Variants in HDX observed in about 807,000 individuals in gnomAD.
HDX encodes highly divergent homeobox.
Under a neutral mutation model 45.2 loss-of-function variants are expected in HDX, and 19 were observed. That is an observed-to-expected ratio of 0.42 (90% CI 0.29 to 0.62). The LOEUF is 0.62. Ranked by LOEUF, HDX falls within the 20% of genes least tolerant of loss-of-function variation. The pLI is 0.20. For synonymous variants in HDX, 188 were observed against 172.8 expected, an observed-to-expected ratio of 1.09 and a Z score of -0.69; for missense variants, 532 against 493.9, an observed-to-expected ratio of 1.08 and a Z score of -0.73.
rs1428788054 is a variant in HDX at position 84,319,253 on chromosome X, A to C, written c.*2636T>G. The stretch of plus-strand genomic sequence containing the variant: ...TCAAAGCCCTAAAGAAAGAAACACT[A>C]GTTAGTTAATTTTTATCCCCAGCCA... On this transcript the variant is annotated 3_prime_UTR_variant, in exon 11 of 11. Coordinates refer to ENST00000373177, the MANE Select transcript of HDX (RefSeq NM_001177479.2). The C allele has an allele frequency of 9.0e-6, 1 of 111,158 alleles. No homozygotes were observed. 9.2% of individuals were successfully genotyped at this position (111,158 alleles called of 1,213,427 possible). A position where few individuals can be genotyped will look rare whatever the true frequency, so the allele number is the denominator to read the frequency against.
intron 6 of HDX, among the ~76,000 whole-genome samples, chrX:84,344,946 G>T (rs1046472054): frequency 1.8e-5 from 2 of 110,919 alleles, no homozygotes; most frequent in Admixed American, 1.9e-4. Context: ...AAATAAACTG[G>T]TTCTTTTTCA....
intron 4 of HDX, among the ~76,000 whole-genome samples, chrX:84,446,704 A>G (rs886476517): frequency 2.0e-4 from 22 of 112,254 alleles, no homozygotes; most frequent in African/African-American, 7.1e-4. Context: ...ACTAGTTGAA[A>G]CAACTTTATA....
chrX:84,375,256 A>G lies in HDX; in HGVS notation c.1306-13644T>C, dbSNP rs749818199. 3.1e-3 allele frequency among the ~76,000 whole-genome samples: 340 copies of G among 111,018 alleles called. 1 individual carries two copies. The highest frequency in any genetic ancestry group is 0.011 in the African/African-American group (333 of 30,245). On this transcript the variant is annotated intron_variant, in intron 5 of 10. Coordinates refer to ENST00000373177, the MANE Select transcript of HDX (RefSeq NM_001177479.2). ...AAAGTCAGGAAACAACAGGTGCTGT[A>G]GAGGATGTGGAGAAATAGGGACACT... is the stretch of plus-strand genomic sequence containing the variant.
intron 5 of HDX, among the ~76,000 whole-genome samples, chrX:84,386,908 T>A (rs2038333503): frequency 9.0e-6 from 1 of 111,534 alleles, no homozygotes; most frequent in African/African-American, 3.3e-5. Context: ...GTTTCTTTTT[T>A]TTCCCTAGTT....
intron 4 of HDX, among the ~76,000 whole-genome samples, chrX:84,459,401 C>T (rs1366694096): frequency 9.2e-6 from 1 of 108,540 alleles, no homozygotes; most frequent in Non-Finnish European, 1.9e-5. Context: ...GAGATCATGT[C>T]GCTGCACTGC....
rs765681351 is a variant in HDX at position 84,465,939 on chromosome X, C to T, written c.1251+2533G>A. Among the ~76,000 whole-genome samples the T allele has an allele frequency of 7.8e-4, 87 of 111,681 alleles. 2 individuals carry two copies. Among genetic ancestry groups the T allele is most frequent in the African/African-American group, 2.7e-3 (83 of 30,752 alleles). On this transcript the variant is annotated intron_variant, in intron 4 of 10. Coordinates refer to ENST00000373177, the MANE Select transcript of HDX (RefSeq NM_001177479.2). Reference sequence around the variant, plus strand: ...ACTCCATGGATTCCACTTCCCCAGGCTGCCTTGATTTTCCAAATATGAACT... The same window carrying T: ...ACTCCATGGATTCCACTTCCCCAGGTTGCCTTGATTTTCCAAATATGAACT...
chrX:84,442,170 C>T (rs897154237), intron 4 of HDX, among the ~76,000 whole-genome samples: 2 of 111,466 alleles, frequency 1.8e-5, no homozygotes, highest in African/African-American at 6.5e-5. Flanking sequence ...TCCTGAGAGA[C>T]TGACAAGGCA....
chrX:84,416,455 C>A (rs1231078809), intron 5 of HDX, among the ~76,000 whole-genome samples: 1 of 111,408 alleles, frequency 9.0e-6, no homozygotes, highest in African/African-American at 3.3e-5. Flanking sequence ...TCTAGAAGAA[C>A]CTTGAAAGTG....
intron 9 of HDX, among the ~76,000 whole-genome samples, chrX:84,327,830 AT>A (rs1011869407): frequency 9.0e-6 from 1 of 110,926 alleles, no homozygotes; most frequent in Admixed American, 9.6e-5. Context: ...TTATTTATTT[AT>A]TTTTTATTTA....
At chrX:84,385,519 C>T (rs2038298258) in intron 5 of HDX, among the ~76,000 whole-genome samples, 1 of 110,769 alleles carries the variant, frequency 9.0e-6, no homozygotes, top group Non-Finnish European at 1.9e-5. Context: ...GGCCTCATCT[C>T]TGATTTCTTG....
intron 5 of HDX, among the ~76,000 whole-genome samples, chrX:84,374,308 A>G (rs5968306): frequency 9.4e-6 from 1 of 106,903 alleles, no homozygotes; most frequent in Admixed American, 1.0e-4. Context: ...TAGGAAGAAT[A>G]AATATCGTGA....
chrX:84,436,428 T>C (rs2039637396), intron 5 of HDX, among the ~76,000 whole-genome samples: 1 of 111,764 alleles, frequency 8.9e-6, no homozygotes, highest in Non-Finnish European at 1.9e-5. Flanking sequence ...CTTGATTATT[T>C]GATTTTTTTT....
chrX:84,476,577 AAAGGAAGG>A (rs1199786343), intron 2 of HDX, among the ~76,000 whole-genome samples: 8 of 107,327 alleles, frequency 7.5e-5, no homozygotes, highest in Non-Finnish European at 5.8e-5. Context: ...GAAAGAAAAG[AAAGGAAGG>A]AAGGAAGGAA....
chrX:84,448,251 C>T (rs2039916860), intron 4 of HDX, among the ~76,000 whole-genome samples: 1 of 111,739 alleles, frequency 8.9e-6, no homozygotes, highest in Non-Finnish European at 1.9e-5. Context: ...GCCATGGCTG[C>T]TGTCATCACT....
intron 6 of HDX, among the ~76,000 whole-genome samples, chrX:84,345,004 A>G (rs1321455705): frequency 9.0e-6 from 1 of 110,807 alleles, no homozygotes; most frequent in Non-Finnish European, 1.9e-5. Context: ...CCTATTTCCA[A>G]TCTTGCTCTT....
intron 7 of HDX, among the ~76,000 whole-genome samples, chrX:84,342,056 A>G (rs1355381906): frequency 9.0e-6 from 1 of 110,984 alleles, no homozygotes; most frequent in Non-Finnish European, 1.9e-5. Flanking sequence ...ACTTAACTAA[A>G]TCTTCAATCT....
At chrX:84,489,088 A>G (rs2040847812) in intron 1 of HDX, among the ~76,000 whole-genome samples, 3 of 111,425 alleles carry the variant, frequency 2.7e-5, no homozygotes, top group Non-Finnish European at 5.7e-5. Flanking sequence ...TCATGACTCT[A>G]TCATTTGGGC....
intron 2 of HDX, among the ~76,000 whole-genome samples, chrX:84,475,664 T>C (rs2040534859): frequency 8.9e-6 from 1 of 112,073 alleles, no homozygotes; most frequent in South Asian, 3.6e-4. Flanking sequence ...AAGAGGAAAG[T>C]CCTTATCTGG....
At chrX:84,465,674 G>A (rs1259245268) in intron 4 of HDX, among the ~76,000 whole-genome samples, 1 of 111,824 alleles carries the variant, frequency 8.9e-6, no homozygotes, top group East Asian at 2.8e-4. Context: ...CCGTTGGGGG[G>A]CGGGTGCCTA....
Sources: gnomAD v4.1 joint callset for allele counts (sites outside exome capture counted in the v4.1 genomes callset) on GRCh38, gnomAD v4.1.1 for gene constraint, MANE v1.5 for transcripts, NCBI Gene and HGNC (gene_info 2026-07-23, HGNC 2026-07-21) for gene names.